The following DCC variants were observed in gnomAD, a reference collection of about 807,000 sequenced individuals.
DCC encodes the protein DCC netrin 1 receptor.
A neutral mutation model predicts 172.5 loss-of-function variants in DCC; 58 were observed. The ratio of observed to expected loss-of-function variants is 0.34; its 90% CI spans 0.27 to 0.42. The LOEUF is 0.42. DCC is among the 10% of genes least tolerant of loss of function. The pLI, the probability that DCC is intolerant of heterozygous loss-of-function variation, is 1.00. For missense variants in DCC, 1,740 were observed against 1,791.0 expected, an observed-to-expected ratio of 0.97 and a Z score of 0.51; for synonymous variants, 709 against 644.5, an observed-to-expected ratio of 1.10 and a Z score of -1.52.
chr18:52,743,161 A>C (rs1367411194), intron 1 of DCC, among the ~76,000 whole-genome samples: 1 of 152,188 alleles, frequency 6.6e-6, no homozygotes, highest in South Asian at 2.1e-4. Context: ...AATGGAGAAA[A>C]TCTCATGCAC....
intron 2 of DCC, among the ~76,000 whole-genome samples, chr18:52,767,778 C>T (rs537768858): frequency 2.0e-5 from 3 of 152,246 alleles, no homozygotes; most frequent in African/African-American, 7.2e-5. Context: ...TTTTAATAAT[C>T]AGCATTATTT....
intron 9 of DCC, among the ~76,000 whole-genome samples, chr18:53,204,498 G>T (rs1456241369): frequency 6.6e-6 from 1 of 151,330 alleles, no homozygotes; most frequent in East Asian, 2.0e-4. Context: ...AGTGAGATGT[G>T]ATCATGCCAC....
At chr18:52,661,565 A>G (rs1272477402) in intron 1 of DCC, among the ~76,000 whole-genome samples, 2 of 152,240 alleles carry the variant, frequency 1.3e-5, no homozygotes, top group Middle Eastern at 3.2e-3. Flanking sequence ...AGGAGATGGG[A>G]GAATTCCTCT....
At chr18:52,763,337 T>C (rs376547929) in intron 2 of DCC, among the ~76,000 whole-genome samples, 83 of 152,330 alleles carry the variant, frequency 5.4e-4, no homozygotes, top group African/African-American at 1.7e-3. Flanking sequence ...TTGTGGTCCC[T>C]TTTGCAAAGG....
At chr18:52,784,131 C>T (rs1165237645) in intron 2 of DCC, among the ~76,000 whole-genome samples, 1 of 151,994 alleles carries the variant, frequency 6.6e-6, no homozygotes, top group Non-Finnish European at 1.5e-5. Context: ...GTGTATAAGT[C>T]CATGAGATCA....
At chr18:53,221,586 G>A (rs1367633) in intron 12 of DCC, among the ~76,000 whole-genome samples, 53,924 of 151,938 alleles carry the variant, frequency 0.35, 10,823 homozygotes, top group Non-Finnish European at 0.46. Context: ...CTAAGTTTTA[G>A]TTTGGGAAGA....
chr18:53,155,655 G>A (rs1388642552), intron 7 of DCC, among the ~76,000 whole-genome samples: 1 of 152,198 alleles, frequency 6.6e-6, no homozygotes, highest in African/African-American at 2.4e-5. Flanking sequence ...TCTACTTTTT[G>A]TTAACTTTCA....
intron 12 of DCC, among the ~76,000 whole-genome samples, chr18:53,269,241 T>C (rs928776028): frequency 1.2e-4 from 19 of 152,186 alleles, no homozygotes; most frequent in African/African-American, 3.9e-4. Context: ...AATGATAAAA[T>C]GTGGTTTTAA....
chr18:53,281,991 G>A (rs1374883230), intron 12 of DCC, among the ~76,000 whole-genome samples: 1 of 152,102 alleles, frequency 6.6e-6, no homozygotes, highest in Non-Finnish European at 1.5e-5. Flanking sequence ...AGCACCCTTA[G>A]TTTAGATAGT....
chr18:53,205,124 G>A, intron 9 of DCC, 92 bp from the exon 10 acceptor site: 4 of 953,986 alleles, frequency 4.2e-6, no homozygotes, highest in Non-Finnish European at 6.8e-6. Context: ...GAATTTTATT[G>A]AACTGTAAAA....
chr18:53,037,336 T>C (rs1020003631), intron 5 of DCC, among the ~76,000 whole-genome samples: 6 of 151,978 alleles, frequency 3.9e-5, no homozygotes, highest in Non-Finnish European at 8.8e-5. Flanking sequence ...GAAGTAAACA[T>C]AGTCACAGAA....
rs769581305 is a variant in DCC at position 53,416,079 on chromosome 18, AG to A, written c.3131-43del. ...GGTTTGATATGTCAGCTTTCTTGCT[AG>A]GAACTGTCAAAGTCTAATAATGTTA... On this transcript the variant is annotated intron_variant, in intron 20 of 28. Coordinates refer to ENST00000442544, the MANE Select transcript of DCC (RefSeq NM_005215.4). 5 of 1,482,794 alleles carry A rather than the reference AG, an allele frequency of 3.4e-6. No individual in the cohort carries two copies. The South Asian group carries it at 4.5e-5, about 13-fold the overall frequency. The allele number at this position is 1,482,794 out of a possible 1,614,324, so 91.9% of individuals were successfully genotyped here. A position where few individuals can be genotyped will look rare whatever the true frequency, so the allele number is the denominator to read the frequency against.
intron 2 of DCC, among the ~76,000 whole-genome samples, chr18:52,886,637 C>A (rs1038464804): frequency 6.6e-6 from 1 of 152,118 alleles, no homozygotes; most frequent in African/African-American, 2.4e-5. Context: ...GGGGGTCAGA[C>A]AAAACCTCTG....
At chr18:52,859,441 A>C (rs2145357840) in intron 2 of DCC, among the ~76,000 whole-genome samples, 1 of 152,276 alleles carries the variant, frequency 6.6e-6, no homozygotes, top group African/African-American at 2.4e-5. Flanking sequence ...AGGATTCAGA[A>C]GCTCGTATAC....
chr18:52,793,783 C>G (rs1008085598), intron 2 of DCC, among the ~76,000 whole-genome samples: 8 of 152,112 alleles, frequency 5.3e-5, no homozygotes, highest in African/African-American at 1.9e-4. Context: ...TTATGTTTAA[C>G]TCTTTAACCA....
intron 19 of DCC, 112 bp downstream of exon 19, chr18:53,403,005 C>T: frequency 1.3e-6 from 1 of 798,978 alleles, no homozygotes; most frequent in South Asian, 1.4e-5. Flanking sequence ...CCCTACATCT[C>T]AGCTGACTCC....
chr18:53,434,667 A>G (rs1040392040), intron 21 of DCC, among the ~76,000 whole-genome samples: 5 of 152,178 alleles, frequency 3.3e-5, no homozygotes, highest in Admixed American at 3.3e-4. Context: ...TTTGACACCT[A>G]ACAAAGAGAA....
intron 1 of DCC, among the ~76,000 whole-genome samples, chr18:52,686,732 C>T (rs1161314671): frequency 1.3e-5 from 2 of 152,092 alleles, no homozygotes; most frequent in Non-Finnish European, 2.9e-5. Context: ...CTAAGAATGC[C>T]ATGAGCTTAC....
intron 1 of DCC, among the ~76,000 whole-genome samples, chr18:52,406,248 G>C (rs936775487): frequency 2.3e-4 from 34 of 150,172 alleles, no homozygotes; most frequent in Non-Finnish European, 4.1e-4. Flanking sequence ...TTACCATTCA[G>C]GACATAGGCA....
Sources: gnomAD v4.1 joint callset for allele counts (sites outside exome capture counted in the v4.1 genomes callset) on GRCh38, gnomAD v4.1.1 for gene constraint, MANE v1.5 for transcripts, NCBI Gene and HGNC (gene_info 2026-07-23, HGNC 2026-07-21) for gene names.